The following MITF variants were observed in gnomAD, a reference collection of about 807,000 sequenced individuals.
The protein encoded by MITF is melanocyte inducing transcription factor.
Under a neutral mutation model 60.5 loss-of-function variants are expected in MITF, and 17 were observed. The ratio of observed to expected loss-of-function variants is 0.28; its 90% CI spans 0.19 to 0.42. MITF has a LOEUF of 0.42. Among genes scored for constraint, MITF ranks in the 10% least tolerant of loss-of-function variants. The probability of loss-of-function intolerance (pLI) is 1.00; values close to 1 mark genes in which losing one functional copy is unlikely to be tolerated. For synonymous variants in MITF, 260 were observed against 248.5 expected, an observed-to-expected ratio of 1.05 and a Z score of -0.43; for missense variants, 622 against 683.5, an observed-to-expected ratio of 0.91 and a Z score of 1.00.
At chr3:69,895,607 A>G (rs1486149048) in intron 2 of MITF, among the ~76,000 whole-genome samples, 1 of 151,960 alleles carries the variant, frequency 6.6e-6, no homozygotes, top group African/African-American at 2.4e-5. Context: ...AGGATGTTCT[A>G]TAGCTCTTAT....
At chr3:69,800,783 A>G (rs1193284949) in intron 1 of MITF, among the ~76,000 whole-genome samples, 1 of 152,096 alleles carries the variant, frequency 6.6e-6, no homozygotes, top group Non-Finnish European at 1.5e-5. Context: ...ATTAGCTCTA[A>G]ATTTTGAATG....
intron 1 of MITF, among the ~76,000 whole-genome samples, chr3:69,846,161 A>G (rs917382794): frequency 3.0e-5 from 3 of 99,380 alleles, no homozygotes; most frequent in African/African-American, 9.4e-5. Context: ...ACAGAGATCT[A>G]AATTAATTGA....
intron 1 of MITF, among the ~76,000 whole-genome samples, chr3:69,798,297 T>C (rs1001669947): frequency 6.6e-6 from 1 of 152,232 alleles, no homozygotes; most frequent in African/African-American, 2.4e-5. Flanking sequence ...AGATCGACTT[T>C]ATTGAATTCC....
At chr3:69,831,046 T>C (rs1389047532) in intron 1 of MITF, among the ~76,000 whole-genome samples, 2 of 152,096 alleles carry the variant, frequency 1.3e-5, no homozygotes, top group African/African-American at 2.4e-5. Flanking sequence ...TCTTGTAAAA[T>C]AGGGATAACG....
intron 1 of MITF, among the ~76,000 whole-genome samples, chr3:69,789,689 C>G (rs1370955145): frequency 6.6e-6 from 1 of 152,120 alleles, no homozygotes; most frequent in Non-Finnish European, 1.5e-5. Context: ...AACCCTATCT[C>G]TACTAAAAAT....
At chr3:69,959,875 G>A (rs1487512970) in intron 9 of MITF, among the ~76,000 whole-genome samples, 3 of 152,200 alleles carry the variant, frequency 2.0e-5, no homozygotes, top group Admixed American at 2.0e-4. Flanking sequence ...GCCGTGATGT[G>A]CTTACAGAGA....
intron 1 of MITF, among the ~76,000 whole-genome samples, chr3:69,769,299 C>T (rs1282972953): frequency 6.6e-5 from 10 of 152,098 alleles, no homozygotes; most frequent in Non-Finnish European, 1.3e-4. Context: ...ATTATGCACA[C>T]ATAGGGTTTT....
intron 7 of MITF, 103 bp from the exon 8 acceptor site, chr3:69,956,352 G>A (rs915405532): frequency 3.6e-5 from 33 of 918,910 alleles, no homozygotes; most frequent in East Asian, 2.5e-4. Context: ...GGTTTCCGTT[G>A]TCATGACCTG....
chr3:69,810,999 A>G (rs2063092271), intron 1 of MITF, among the ~76,000 whole-genome samples: 1 of 152,208 alleles, frequency 6.6e-6, no homozygotes, highest in Non-Finnish European at 1.5e-5. Context: ...TAAATTAGAG[A>G]TGTTGAAGAA....
chr3:69,894,560 C>T (rs1219555372), intron 2 of MITF, among the ~76,000 whole-genome samples: 1 of 151,810 alleles, frequency 6.6e-6, no homozygotes, highest in Non-Finnish European at 1.5e-5. Context: ...GTGGCGGGCA[C>T]CTGTAATCCC....
In MITF at chr3:69,967,695, C is replaced by A. The variant is rs1284593827; in HGVS notation, c.*2447C>A. The A allele has an allele frequency of 4.3e-6, 1 of 232,938 alleles. No homozygotes were observed. The highest frequency in any genetic ancestry group is 8.5e-6 in the Non-Finnish European group (1 of 117,950). The allele number at this position is 232,938 out of a possible 1,614,324, so 14.4% of individuals were successfully genotyped here. On this transcript the variant is annotated 3_prime_UTR_variant, in exon 10 of 10. Coordinates refer to ENST00000352241, the MANE Select transcript of MITF (RefSeq NM_001354604.2). ...GGTGAGCAAGCCCAGGAGAATGCTG[C>A]AATCTTGGGGGTGGTTTTATTTATT...
chr3:69,940,482 C>T (rs2065943619), intron 4 of MITF, among the ~76,000 whole-genome samples: 1 of 152,160 alleles, frequency 6.6e-6, no homozygotes, highest in South Asian at 2.1e-4. Flanking sequence ...TGTTTTGGTA[C>T]TTTAGAAATA....
intron 2 of MITF, among the ~76,000 whole-genome samples, chr3:69,922,955 G>T (rs545352044): frequency 3.3e-5 from 5 of 152,190 alleles, no homozygotes. Context: ...TTGTTGACCC[G>T]TTGCTGGCTT....
intron 6 of MITF, among the ~76,000 whole-genome samples, chr3:69,950,809 C>G (rs999912842): frequency 2.0e-5 from 3 of 151,788 alleles, no homozygotes; most frequent in African/African-American, 2.4e-5. Context: ...GTTTTTAATT[C>G]TGTTTTGTTT....
chr3:69,760,368 C>G (rs544132977), intron 1 of MITF, among the ~76,000 whole-genome samples: 1 of 152,268 alleles, frequency 6.6e-6, no homozygotes. Context: ...GGAAAGAGTT[C>G]AAGAACGAGC....
intron 1 of MITF, among the ~76,000 whole-genome samples, chr3:69,875,990 A>G (rs571889522): frequency 4.6e-5 from 7 of 152,216 alleles, no homozygotes; most frequent in Non-Finnish European, 7.4e-5. Flanking sequence ...CTATATTTAT[A>G]TAACTATAAA....
intron 2 of MITF, among the ~76,000 whole-genome samples, chr3:69,925,043 A>G (rs953015686): frequency 5.9e-5 from 9 of 152,122 alleles, no homozygotes; most frequent in Admixed American, 1.3e-4. Flanking sequence ...ATTGTGAGCT[A>G]TATGATTTAA....
intron 1 of MITF, among the ~76,000 whole-genome samples, chr3:69,820,586 TC>T (rs2107044329): frequency 6.6e-6 from 1 of 152,308 alleles, no homozygotes; most frequent in Non-Finnish European, 1.5e-5. Context: ...AATGTTCAGT[TC>T]TTTTTGGATT....
rs182584754 is a variant in MITF, at chr3:69,913,902, A to G, written c.355-23920A>G. ...GATATAGTGCTTTTTATTAACTGTG[A>G]CACAATGGATTATGGCACTTCAAAT... On this transcript the variant is annotated intron_variant, in intron 2 of 9. Coordinates refer to ENST00000352241, the MANE Select transcript of MITF (RefSeq NM_001354604.2). 3.3e-5 allele frequency among the ~76,000 whole-genome samples: 5 copies of G among 152,312 alleles called. No homozygotes were observed. The East Asian group carries it at 9.6e-4, about 29-fold the overall frequency.
Sources: allele counts gnomAD v4.1 joint callset (sites outside exome capture counted in the v4.1 genomes callset), GRCh38; gene constraint gnomAD v4.1.1; transcripts MANE v1.5; gene names NCBI Gene and HGNC (gene_info 2026-07-23, HGNC 2026-07-21).